ITIH2: variants seen among roughly 807,000 people sequenced by gnomAD.
ITIH2 encodes inter-alpha-trypsin inhibitor heavy chain 2.
A neutral mutation model predicts 104.4 loss-of-function variants in ITIH2; 103 were observed. That is an observed-to-expected ratio of 0.99 (90% CI 0.84 to 1.16). ITIH2 has a LOEUF of 1.16. ITIH2 is among the 50% of genes most tolerant of loss of function. ITIH2 has a pLI of 0.00. For missense variants in ITIH2, 1,108 were observed against 1,162.4 expected (o/e 0.95, Z 0.68); for synonymous variants, 436 against 435.4 (o/e 1.00, Z -0.02).
rs549542563 is a variant in ITIH2, at chr10:7,735,239, C to G, written c.1957+148C>G. On this transcript the variant is annotated intron_variant, in intron 15 of 20. Coordinates refer to ENST00000358415, the MANE Select transcript of ITIH2 (RefSeq NM_002216.3). The stretch of plus-strand genomic sequence containing the variant: ...CCTGTGCCCAAGCTCTTCCTGCCAG[C>G]TGGGAGGAGGATGGATTATTGCTGT... The G allele has an allele frequency of 1.2e-5, 8 of 647,164 alleles. No homozygotes were observed. The African/African-American group carries it at 1.4e-4, about 12-fold the overall frequency. The allele number at this position is 647,164 out of a possible 1,614,324, so 40.1% of individuals were successfully genotyped here. A position where few individuals can be genotyped will look rare whatever the true frequency, so the allele number is the denominator to read the frequency against.
chr10:7,737,746 TAA>T (rs1835078658), intron 15 of ITIH2, among the ~76,000 whole-genome samples: 2 of 23,462 alleles, frequency 8.5e-5, no homozygotes, highest in African/African-American at 2.0e-4. Context: ...ATATTCTATA[TAA>T]TATTCTATAT....
At chr10:7,734,293 C>T (rs985769398) in intron 14 of ITIH2, among the ~76,000 whole-genome samples, 2 of 152,070 alleles carry the variant, frequency 1.3e-5, no homozygotes, top group East Asian at 1.9e-4. Context: ...TGGGGAAGGC[C>T]GTGTATATGG....
chr10:7,717,517 C>T (rs1483142511), intron 5 of ITIH2, 109 bp from the exon 6 acceptor site: 1 of 944,798 alleles, frequency 1.1e-6, no homozygotes, highest in African/African-American at 1.6e-5. Flanking sequence ...TCATGAACTA[C>T]TGAGCAGAAC....
chr10:7,734,576 T>C (rs1255792910), intron 14 of ITIH2, among the ~76,000 whole-genome samples: 1 of 152,184 alleles, frequency 6.6e-6, no homozygotes, highest in East Asian at 1.9e-4. Context: ...GTGCCTGTAG[T>C]CTCAGCTACT....
chr10:7,717,009 G>A (rs185064247), intron 5 of ITIH2, among the ~76,000 whole-genome samples: 73 of 150,764 alleles, frequency 4.8e-4, no homozygotes, highest in Non-Finnish European at 7.2e-4. Context: ...GTGCAATGGC[G>A]TGATCTCGGC....
chr10:7,749,250 G>A lies in ITIH2; in HGVS notation c.2757G>A (p.Val919=). 1.2e-6 allele frequency: 2 copies of A among 1,614,108 alleles called. No individual in the cohort carries two copies. Among genetic ancestry groups the A allele is most frequent in the Non-Finnish European group, 8.5e-7 (1 of 1,179,948 alleles). The part of the protein sequence containing the change: ...VFGTDVTCWF[V]HNSGKGFIDG... ...GAACGGACGTTACCTGCTGGTTTGT[G>A]CACAACAGTGGAAAAGGATTCATTG... is the stretch of plus-strand genomic sequence containing the variant. The change falls in exon 21 of 21, where the codon GTG becomes GTA. Residue 919 remains valine (V), a synonymous_variant. Transcript: ENST00000358415.
chr10:7,725,046 GA>G (rs145777011), intron 9 of ITIH2, among the ~76,000 whole-genome samples: 11,312 of 151,572 alleles, frequency 0.075, 599 homozygotes, highest in African/African-American at 0.15. Flanking sequence ...ACAAAAAACA[GA>G]AAAAAAACGG....
chr10:7,742,754 C>T (rs1310088567), intron 16 of ITIH2, among the ~76,000 whole-genome samples: 1 of 152,072 alleles, frequency 6.6e-6, no homozygotes, highest in Non-Finnish European at 1.5e-5. Context: ...AAAAAACACC[C>T]AACTCTATTT....
At chr10:7,741,183 T>C (rs1365167640) in intron 16 of ITIH2, among the ~76,000 whole-genome samples, 1 of 146,200 alleles carries the variant, frequency 6.8e-6, no homozygotes, top group Non-Finnish European at 1.5e-5. Flanking sequence ...GTTTTTTTTT[T>C]TTTTTTTTTT....
At chr10:7,737,456 C>T (rs1225375544) in intron 15 of ITIH2, among the ~76,000 whole-genome samples, 12 of 124,712 alleles carry the variant, frequency 9.6e-5, no homozygotes, top group African/African-American at 2.5e-4. Flanking sequence ...TAACAGATAA[C>T]GTATAATTAT....
intron 2 of ITIH2, 123 bp downstream of exon 2, chr10:7,705,305 T>C (rs1834736551): frequency 4.2e-6 from 3 of 713,596 alleles, no homozygotes; most frequent in Admixed American, 2.4e-5. Flanking sequence ...CACAGAAGAG[T>C]CCAGACTTCT....
At chr10:7,720,241 C>T (rs1392982811) in intron 6 of ITIH2, among the ~76,000 whole-genome samples, 1 of 152,016 alleles carries the variant, frequency 6.6e-6, no homozygotes, top group East Asian at 1.9e-4. Context: ...CATCCCTGTG[C>T]AATATATTCA....
intron 12 of ITIH2, 56 bp downstream of exon 12, chr10:7,730,189 A>G (rs563236788): frequency 1.6e-6 from 2 of 1,284,426 alleles, no homozygotes; most frequent in Non-Finnish European, 2.2e-6. Flanking sequence ...TTAACTACCC[A>G]TATCTGATGC....
chr10:7,730,825 T>G (rs1384421550), intron 12 of ITIH2, among the ~76,000 whole-genome samples: 2 of 152,190 alleles, frequency 1.3e-5, no homozygotes, highest in African/African-American at 4.8e-5. Flanking sequence ...GATAAGATTC[T>G]GATTTGGGGA....
At chr10:7,728,583 A>G (rs1834972740) in intron 11 of ITIH2, among the ~76,000 whole-genome samples, 1 of 150,724 alleles carries the variant, frequency 6.6e-6, no homozygotes, top group Admixed American at 6.6e-5. Flanking sequence ...TTTTGGAGAG[A>G]CGAAGTCTCA....
rs1274099954 is a variant in ITIH2, at chr10:7,746,635, G to C, written c.2624G>C (p.Arg875Thr). The C allele has an allele frequency of 6.2e-7, 1 of 1,613,896 alleles. No individual in the cohort carries two copies. The highest frequency in any genetic ancestry group is 1.1e-5 in the South Asian group (1 of 91,034). The change falls in exon 20 of 21, where the codon AGA becomes ACA. Residue 875 changes from arginine (R) to threonine (T), a missense_variant. Arg to Thr is a moderately conservative substitution (Grantham distance 71). Coordinates refer to ENST00000358415, the MANE Select transcript of ITIH2 (RefSeq NM_002216.3). ...QEPKIHIFNE[R>T]PGKDPEKPEA... ...CCAAAGATACACATCTTCAATGAGA[G>C]ACCAGGAAAGGACCCTGAGAAGCCA...
rs183253982 is a variant in ITIH2, at chr10:7,716,075, C to T, written c.468-1551C>T. Among the ~76,000 whole-genome samples the T allele has an allele frequency of 5.2e-3, 787 of 152,258 alleles. 1 individual carries two copies. Among genetic ancestry groups the T allele is most frequent in the African/African-American group, 0.018 (746 of 41,550 alleles). On this transcript the variant is annotated intron_variant, in intron 5 of 20. Coordinates refer to ENST00000358415, the MANE Select transcript of ITIH2 (RefSeq NM_002216.3). The stretch of plus-strand genomic sequence containing the variant: ...ACAGGGCTCACTGCAACCTCCACCT[C>T]CCAGGTCTAAGCAATTCTCCCCTCT...
chr10:7,724,424 G>A lies in ITIH2; in HGVS notation c.984+857G>A, dbSNP rs573665628. 2.5e-4 allele frequency among the ~76,000 whole-genome samples: 38 copies of A among 152,026 alleles called. No individual in the cohort carries two copies. In the East Asian group the frequency reaches 7.4e-3, roughly 29 times the overall value. ...TGTCTCTACTAAAAATACAAAATTA[G>A]CCAGGCGTGGTGGTGCATGCCTGTA... On this transcript the variant is annotated intron_variant, in intron 9 of 20. Coordinates refer to ENST00000358415, the MANE Select transcript of ITIH2 (RefSeq NM_002216.3).
rs115128260 is a variant in ITIH2, at chr10:7,715,667, G to T, written c.468-1959G>T. ...TCTTTTTCTTCAATTATTTGATATC[G>T]CAAGCTGACTATCCACAACAACTCC... On this transcript the variant is annotated intron_variant, in intron 5 of 20. Coordinates refer to ENST00000358415, the MANE Select transcript of ITIH2 (RefSeq NM_002216.3). Among the ~76,000 whole-genome samples, 217 of 152,206 alleles carry T rather than the reference G, an allele frequency of 1.4e-3. 1 individual carries two copies. Among genetic ancestry groups the T allele is most frequent in the African/African-American group, 5.1e-3 (210 of 41,526 alleles).
Sources: allele counts gnomAD v4.1 joint callset (sites outside exome capture counted in the v4.1 genomes callset), GRCh38; gene constraint gnomAD v4.1.1; transcripts MANE v1.5; gene names NCBI Gene and HGNC (gene_info 2026-07-23, HGNC 2026-07-21).